Variants in HERC2 observed in about 807,000 individuals in gnomAD.
HERC2 encodes the protein E3 ubiquitin-protein ligase HERC2.
A neutral mutation model predicts 537.7 loss-of-function variants in HERC2; 102 were observed. That is an observed-to-expected ratio of 0.19 (90% CI 0.16 to 0.22). The LOEUF is 0.22. Among genes scored for constraint, HERC2 ranks in the 10% least tolerant of loss-of-function variants. The pLI, the probability that HERC2 is intolerant of heterozygous loss-of-function variation, is 1.00. For synonymous variants in HERC2, 2,224 were observed against 2,466.2 expected, an observed-to-expected ratio of 0.90 and a Z score of 2.91; for missense variants, 4,236 against 6,198.2, an observed-to-expected ratio of 0.68 and a Z score of 10.63.
chr15:28,187,569 G>A (rs935951475), intron 55 of HERC2, among the ~76,000 whole-genome samples: 2 of 152,114 alleles, frequency 1.3e-5, no homozygotes, highest in African/African-American at 4.8e-5. Context: ...CTGACCTCAG[G>A]TGATCCACCT....
intron 3 of HERC2, among the ~76,000 whole-genome samples, chr15:28,293,361 C>G (rs1250895092): frequency 1.3e-5 from 2 of 151,820 alleles, no homozygotes. Context: ...GCCGTGGTGG[C>G]GGGCGCCTGT....
chr15:28,114,509 C>T, intron 90 of HERC2, 103 bp downstream of exon 90: 1 of 1,025,048 alleles, frequency 9.8e-7, no homozygotes, highest in Non-Finnish European at 1.5e-6. Flanking sequence ...AAATCCATTA[C>T]TTTACTGTGT....
rs768645158 is a variant in HERC2, at chr15:28,269,354, C to A, written c.1340G>T (p.Gly447Val). ...ANVIGPIQCE[G>V]LANLGVTQIA... Reference sequence around the variant, plus strand: ...CTGTGTGACTCCCAGGTTGGCCAGGCCTTCGCACTGGATTGGACCAATCAC... The same window carrying A: ...CTGTGTGACTCCCAGGTTGGCCAGGACTTCGCACTGGATTGGACCAATCAC... The change falls in exon 11 of 93, where the codon GGC becomes GTC. Residue 447 changes from glycine to valine, a missense_variant. By Grantham distance (109) the Gly-to-Val change is moderately radical (BLOSUM62 -3). Around this residue, in one of 27 missense-constraint regions of HERC2, gnomAD observed 491 missense variants for 559.3 expected, o/e 0.88. Transcript: ENST00000261609. The A allele has an allele frequency of 1.9e-6, 3 of 1,614,196 alleles. No homozygotes were observed. Among genetic ancestry groups the A allele is most frequent in the South Asian group, 2.2e-5 (2 of 91,084 alleles).
At chr15:28,242,898 T>A (rs1479569265) in intron 23 of HERC2, among the ~76,000 whole-genome samples, 1 of 152,110 alleles carries the variant, frequency 6.6e-6, no homozygotes, top group Non-Finnish European at 1.5e-5. Context: ...GAAGAAAACA[T>A]CCTTAAGATT....
At chr15:28,218,360 T>C (rs540721781) in intron 38 of HERC2, 129 bp downstream of exon 38, 47 of 788,686 alleles carry the variant, frequency 6.0e-5, no homozygotes, top group South Asian at 5.6e-4. Flanking sequence ...CCCCCAAGTT[T>C]GTATACTTTG....
chr15:28,160,004 ACT>A (rs1893412888), intron 69 of HERC2, among the ~76,000 whole-genome samples: 2 of 152,040 alleles, frequency 1.3e-5, no homozygotes, highest in Non-Finnish European at 1.5e-5. Context: ...CCACTCCCAG[ACT>A]CTGTTTGCCT....
rs1281538254 is a variant in HERC2 at position 28,268,795 on chromosome 15, C to T, written c.1447-179G>A. On this transcript the variant is annotated intron_variant, in intron 11 of 92. Transcript: ENST00000261609. This position sits in a 1 kb window ranked among gnomAD's most constrained non-coding sequence, Gnocchi z 4.7. ...TTCCCACCCAGCAGCAACAGAACAG[C>T]GGGCAGCCTCCAAGTGCTCTGCAGC... is the stretch of plus-strand genomic sequence containing the variant. Among the ~76,000 whole-genome samples, 3 of 152,208 alleles carry T rather than the reference C, an allele frequency of 2.0e-5. No individual in the cohort carries two copies. Among genetic ancestry groups the T allele is most frequent in the African/African-American group, 4.8e-5 (2 of 41,444 alleles).
rs115523399 is a variant in HERC2 at position 28,131,961 on chromosome 15, G to T, written c.12570+139C>A. On this transcript the variant is annotated intron_variant, in intron 81 of 92. Transcript: ENST00000261609. ...TTATATTTACTGGAACGAAGGTAAA[G>T]AGGAGGTTAAAGTGCTCCTAAGGAG... The T allele has an allele frequency of 1.4e-3, 874 of 624,276 alleles. 8 individuals carry two copies. The African/African-American group carries it at 0.014, about 10-fold the overall frequency. The allele number at this position is 624,276 out of a possible 1,614,324, so 38.7% of individuals were successfully genotyped here.
chr15:28,156,923 C>A (rs1259140885), intron 69 of HERC2, among the ~76,000 whole-genome samples: 2 of 152,118 alleles, frequency 1.3e-5, no homozygotes, highest in African/African-American at 2.4e-5. Flanking sequence ...AGATACATCC[C>A]AACAATACTG....
At chr15:28,184,844 G>A (rs1285916234) in intron 56 of HERC2, among the ~76,000 whole-genome samples, 4 of 150,642 alleles carry the variant, frequency 2.7e-5, no homozygotes, top group East Asian at 2.0e-4. Flanking sequence ...CCTAGGTGAC[G>A]GAGCAAGACT....
At chr15:28,180,345 CAAT>C (rs751378028) in intron 57 of HERC2, among the ~76,000 whole-genome samples, 20 of 152,194 alleles carry the variant, frequency 1.3e-4, no homozygotes, top group Non-Finnish European at 2.4e-4. Context: ...CATTTTCCAA[CAAT>C]GACAAAATCA....
chr15:28,165,774 T>C (rs1028461332), intron 68 of HERC2, among the ~76,000 whole-genome samples: 4 of 152,170 alleles, frequency 2.6e-5, no homozygotes, highest in Admixed American at 2.0e-4. Context: ...TACTGCAGCC[T>C]GGGCAACAGA....
intron 70 of HERC2, among the ~76,000 whole-genome samples, chr15:28,148,683 A>G (rs1288236372): frequency 6.6e-6 from 1 of 152,104 alleles, no homozygotes; most frequent in Non-Finnish European, 1.5e-5. Context: ...CTACCGAAGA[A>G]ACACATGCGG....
chr15:28,254,576 C>A (rs1478788994), intron 19 of HERC2, 58 bp from the exon 20 acceptor site: 1 of 1,246,494 alleles, frequency 8.0e-7, no homozygotes, highest in East Asian at 2.5e-5. Context: ...TGTGAAGACA[C>A]ACAGGCTGGC....
intron 2 of HERC2, among the ~76,000 whole-genome samples, chr15:28,300,688 T>C (rs1229887032): frequency 1.1e-4 from 16 of 141,392 alleles, no homozygotes; most frequent in Non-Finnish European, 1.5e-5. Context: ...CCGGGTGTGC[T>C]GGTGCATGCC....
chr15:28,306,945 G>T (rs549933408), intron 2 of HERC2, among the ~76,000 whole-genome samples: 1 of 152,092 alleles, frequency 6.6e-6, no homozygotes, highest in African/African-American at 2.4e-5. Context: ...AGTGATTCTC[G>T]TGCCTCAGCC....
At position 28,256,216 on chromosome 15, in the gene HERC2, G is replaced by T. The variant is rs1275416641; in HGVS notation, c.2619C>A (p.Ala873=). 2 of 1,600,190 alleles carry T rather than the reference G, an allele frequency of 1.2e-6. No individual in the cohort carries two copies. Among genetic ancestry groups the T allele is most frequent in the Non-Finnish European group, 1.7e-6 (2 of 1,179,884 alleles). The stretch of plus-strand genomic sequence containing the variant: ...CGGTGCTCAGCACGCCCGCACTGCT[G>T]GCCAGGGTCACCACCGTCTGCTTCA... ...NSLKQTVVTL[A]SSAGVLSTVQ... The change falls in exon 18 of 93, where the codon GCC becomes GCA. Residue 873 remains alanine, a synonymous_variant. Coordinates refer to ENST00000261609, the MANE Select transcript of HERC2 (RefSeq NM_004667.6).
At chr15:28,238,536 CA>C (rs1327142685) in intron 24 of HERC2, 65 bp downstream of exon 24, 24 of 1,339,320 alleles carry the variant, frequency 1.8e-5, no homozygotes, top group Non-Finnish European at 2.5e-5. Context: ...ATTTATAAGC[CA>C]AATACTCTGC....
rs1889313122 is a variant in HERC2 at position 28,124,946 on chromosome 15, C to T, written c.12990+60G>A. On this transcript the variant is annotated intron_variant, in intron 84 of 92. Coordinates refer to ENST00000261609, the MANE Select transcript of HERC2 (RefSeq NM_004667.6). The stretch of plus-strand genomic sequence containing the variant: ...TCTGTAAACACACAACGACAGGATG[C>T]AGCATGTGACAGGAGCACACTTTGC... The T allele has an allele frequency of 3.4e-6, 5 of 1,475,858 alleles. 1 individual carries two copies. In the East Asian group the frequency reaches 9.2e-5, roughly 27 times the overall value. The allele number at this position is 1,475,858 out of a possible 1,614,324, so 91.4% of individuals were successfully genotyped here.
Sources: gnomAD v4.1 joint callset for allele counts (sites outside exome capture counted in the v4.1 genomes callset) on GRCh38, gnomAD v4.1.1 for gene constraint, gnomAD v4.1.1 regional missense constraint, Gnocchi (gnomAD v3.1) non-coding constraint, MANE v1.5 for transcripts, NCBI Gene and HGNC (gene_info 2026-07-23, HGNC 2026-07-21) for gene names.